The following DIP2C variants were observed in gnomAD, a reference collection of about 807,000 sequenced individuals.
The protein encoded by DIP2C is disco-interacting protein 2 homolog C.
Under a neutral mutation model 192.4 loss-of-function variants are expected in DIP2C, and 33 were observed. That is an observed-to-expected ratio of 0.17 (90% CI 0.13 to 0.23). The LOEUF (loss-of-function observed/expected upper bound fraction) is 0.23. DIP2C is among the 10% of genes least tolerant of loss of function. The probability of loss-of-function intolerance (pLI) is 1.00; values close to 1 mark genes in which losing one functional copy is unlikely to be tolerated. For synonymous variants in DIP2C, 979 were observed against 864.1 expected, an observed-to-expected ratio of 1.13 and a Z score of -2.33; for missense variants, 1,537 against 2,110.1, an observed-to-expected ratio of 0.73 and a Z score of 5.32.
chr10:421,747 T>C (rs1190869636), intron 5 of DIP2C, among the ~76,000 whole-genome samples: 1 of 152,192 alleles, frequency 6.6e-6, no homozygotes, highest in African/African-American at 2.4e-5. Context: ...AATGGTTTTT[T>C]TCATTTTTTT....
rs569332222 is a variant in DIP2C at position 380,784 on chromosome 10, C to T, written c.1991+1863G>A. ...CCAGACCTCACTTAGTACAGCTTTA[C>T]GGAATGTACGAAAGCCGTTTTTCAC... On this transcript the variant is annotated intron_variant, in intron 17 of 36. Coordinates refer to ENST00000280886, the MANE Select transcript of DIP2C (RefSeq NM_014974.3). 4.6e-5 allele frequency among the ~76,000 whole-genome samples: 7 copies of T among 152,326 alleles called. No homozygotes were observed. In the East Asian group the frequency reaches 7.7e-4, roughly 17 times the overall value.
intron 1 of DIP2C, among the ~76,000 whole-genome samples, chr10:674,789 T>TATATATATATATATATATATATAG: frequency 1.6e-4 from 10 of 62,482 alleles, no homozygotes; most frequent in Admixed American, 8.0e-4. Context: ...TATATATATA[T>TATATATATATATATATATATATAG]AGAGAGAGAG....
intron 3 of DIP2C, among the ~76,000 whole-genome samples, chr10:449,404 G>A (rs911915342): frequency 3.3e-5 from 5 of 151,992 alleles, no homozygotes; most frequent in Admixed American, 2.0e-4. Flanking sequence ...TAGTGACTGC[G>A]GCTATCAAGG....
At chr10:644,770 AG>A (rs1855368241) in intron 1 of DIP2C, among the ~76,000 whole-genome samples, 1 of 152,186 alleles carries the variant, frequency 6.6e-6, no homozygotes, top group African/African-American at 2.4e-5. Flanking sequence ...AACAGCATCT[AG>A]GGGGCAACCC....
chr10:661,707 G>A (rs1856772408), intron 1 of DIP2C, among the ~76,000 whole-genome samples: 1 of 152,112 alleles, frequency 6.6e-6, no homozygotes, highest in Non-Finnish European at 1.5e-5. Flanking sequence ...CTCCCGACAT[G>A]CACACCTCAC....
intron 32 of DIP2C, among the ~76,000 whole-genome samples, chr10:290,006 C>T (rs1955405590): frequency 6.6e-6 from 1 of 152,242 alleles, no homozygotes; most frequent in South Asian, 2.1e-4. Context: ...TTGCTGCAGA[C>T]AGAAGCACCC....
At chr10:443,185 T>C (rs1360507896) in intron 3 of DIP2C, among the ~76,000 whole-genome samples, 5 of 152,220 alleles carry the variant, frequency 3.3e-5, no homozygotes, top group East Asian at 3.9e-4. Context: ...TGTGACACTA[T>C]GTACATATTC....
intron 3 of DIP2C, among the ~76,000 whole-genome samples, chr10:461,328 G>A (rs1468753360): frequency 2.6e-5 from 4 of 152,200 alleles, no homozygotes; most frequent in Non-Finnish European, 4.4e-5. Context: ...GACACACATA[G>A]GCTCAAAATA....
At chr10:378,820 G>A (rs532570731) in intron 17 of DIP2C, among the ~76,000 whole-genome samples, 2 of 148,892 alleles carry the variant, frequency 1.3e-5, no homozygotes, top group African/African-American at 5.0e-5. Flanking sequence ...CAAATGAACA[G>A]ACATGCACAG....
At chr10:284,612 C>A (rs752295829) in intron 34 of DIP2C, among the ~76,000 whole-genome samples, 7 of 152,086 alleles carry the variant, frequency 4.6e-5, no homozygotes, top group African/African-American at 1.7e-4. Flanking sequence ...GGGGAGATGA[C>A]GGGCAAGGGT....
At chr10:371,584 T>C (rs957473978) in intron 17 of DIP2C, among the ~76,000 whole-genome samples, 3 of 151,888 alleles carry the variant, frequency 2.0e-5, no homozygotes, top group Non-Finnish European at 2.9e-5. Flanking sequence ...CCATCCAGGA[T>C]AGCTGAGCAC....
intron 28 of DIP2C, 86 bp downstream of exon 28, chr10:344,723 G>C (rs1266094359): frequency 1.8e-6 from 2 of 1,102,302 alleles, no homozygotes; most frequent in Non-Finnish European, 2.7e-6. Context: ...CTACACGAGA[G>C]GCGCTGAGAG....
At chr10:500,891 T>A (rs1165551558) in intron 1 of DIP2C, among the ~76,000 whole-genome samples, 1 of 152,214 alleles carries the variant, frequency 6.6e-6, no homozygotes, top group Non-Finnish European at 1.5e-5. Flanking sequence ...TAAAGCTATT[T>A]TTTTTCTGAC....
chr10:671,747 T>C (rs202021654), intron 1 of DIP2C, among the ~76,000 whole-genome samples: 1,154 of 36,936 alleles, frequency 0.031, 69 homozygotes, highest in African/African-American at 0.073. Flanking sequence ...GGAGGAAACG[T>C]CACAGACGCA....
At chr10:425,925 A>G (rs1159282219) in intron 4 of DIP2C, among the ~76,000 whole-genome samples, 1 of 152,236 alleles carries the variant, frequency 6.6e-6, no homozygotes, top group African/African-American at 2.4e-5. Context: ...ATGGTAAACA[A>G]TAGAAGGCGT....
chr10:495,546 T>A (rs1314346184), intron 1 of DIP2C, among the ~76,000 whole-genome samples: 1 of 151,140 alleles, frequency 6.6e-6, no homozygotes, highest in Non-Finnish European at 1.5e-5. Flanking sequence ...AAATTCTGTT[T>A]CTTCTAGCGA....
chr10:323,464 C>T (rs3132018), intron 31 of DIP2C, among the ~76,000 whole-genome samples: 69,155 of 77,806 alleles, frequency 0.89, 31,801 homozygotes, highest in Non-Finnish European at 0.92. Flanking sequence ...GAGAGACCAG[C>T]GTTGTTAGAA....
intron 24 of DIP2C, among the ~76,000 whole-genome samples, 198 bp from the exon 25 acceptor site, chr10:349,652 G>T (rs142035351): frequency 6.6e-6 from 1 of 152,134 alleles, no homozygotes; most frequent in Non-Finnish European, 1.5e-5. Context: ...TACGTTAGAG[G>T]TCAACTCCAT....
At chr10:598,284 C>A (rs1218295052) in intron 1 of DIP2C, among the ~76,000 whole-genome samples, 1 of 152,034 alleles carries the variant, frequency 6.6e-6, no homozygotes, top group Non-Finnish European at 1.5e-5. Flanking sequence ...CACCGGCCAC[C>A]AAGGGCCTCT....
Sources: allele counts gnomAD v4.1 joint callset (sites outside exome capture counted in the v4.1 genomes callset), GRCh38; gene constraint gnomAD v4.1.1; transcripts MANE v1.5; gene names NCBI Gene and HGNC (gene_info 2026-07-23, HGNC 2026-07-21).